Variants in SOS1 observed in about 807,000 individuals in gnomAD.
SOS1 encodes SOS Ras/Rac guanine nucleotide exchange factor 1, also known as son of sevenless homolog 1.
Under a neutral mutation model 157.6 loss-of-function variants are expected in SOS1, and 25 were observed. That is an observed-to-expected ratio of 0.16 (90% CI 0.12 to 0.22). SOS1 has a LOEUF of 0.22. Among genes scored for constraint, SOS1 ranks in the 10% least tolerant of loss-of-function variants. SOS1 has a pLI of 1.00. For synonymous variants in SOS1, 528 were observed against 534.0 expected (o/e 0.99, Z 0.16); for missense variants, 1,237 against 1,599.1 (o/e 0.77, Z 3.86).
intron 10 of SOS1, among the ~76,000 whole-genome samples, chr2:39,016,841 CAG>C (rs1669648399): frequency 6.6e-6 from 1 of 152,050 alleles, no homozygotes; most frequent in Non-Finnish European, 1.5e-5. Flanking sequence ...AGTTGAAAAA[CAG>C]AATAAAAGCC....
intron 22 of SOS1, among the ~76,000 whole-genome samples, chr2:38,986,684 A>G (rs1339767964): frequency 1.3e-5 from 2 of 151,926 alleles, no homozygotes; most frequent in South Asian, 2.1e-4. Flanking sequence ...CAAGGCTGGC[A>G]TATGTTTTAA....
At chr2:39,055,300 CAT>C (rs1218938430) in intron 4 of SOS1, among the ~76,000 whole-genome samples, 4 of 152,162 alleles carry the variant, frequency 2.6e-5, no homozygotes, top group African/African-American at 9.7e-5. Context: ...TGCTACAACA[CAT>C]CTTTCCCCTT....
intron 15 of SOS1, among the ~76,000 whole-genome samples, chr2:39,008,447 T>C (rs1241520540): frequency 2.6e-5 from 4 of 152,208 alleles, no homozygotes; most frequent in East Asian, 1.9e-4. Context: ...TGCAACAAAG[T>C]ATAAAGTAGT....
At chr2:39,041,604 T>C (rs542989500) in intron 6 of SOS1, among the ~76,000 whole-genome samples, 1 of 152,232 alleles carries the variant, frequency 6.6e-6, no homozygotes, top group Non-Finnish European at 1.5e-5. Context: ...TTTGCCAAAT[T>C]GAAGATTCAG....
chr2:39,105,863 G>T (rs1673155312), intron 1 of SOS1, among the ~76,000 whole-genome samples: 2 of 152,120 alleles, frequency 1.3e-5, no homozygotes, highest in African/African-American at 4.8e-5. Flanking sequence ...TCGCACCATT[G>T]CACTTCAGCC....
chr2:39,113,049 G>A (rs2148228457), intron 1 of SOS1, among the ~76,000 whole-genome samples: 1 of 150,624 alleles, frequency 6.6e-6, no homozygotes, highest in East Asian at 1.9e-4. Context: ...AAAAAAAAAA[G>A]AAAAGAAAAG....
intron 1 of SOS1, among the ~76,000 whole-genome samples, chr2:39,107,729 C>T (rs1673253978): frequency 6.6e-6 from 1 of 151,844 alleles, no homozygotes; most frequent in Non-Finnish European, 1.5e-5. Flanking sequence ...ATTTGCTTCC[C>T]TATTTGCTAA....
intron 1 of SOS1, among the ~76,000 whole-genome samples, chr2:39,090,941 T>C (rs1224147882): frequency 6.6e-6 from 1 of 152,136 alleles, no homozygotes; most frequent in African/African-American, 2.4e-5. Flanking sequence ...CGATTTTGGC[T>C]CACTGCAACC....
chr2:39,018,907 A>G (rs1175797972), intron 10 of SOS1, among the ~76,000 whole-genome samples: 1 of 151,870 alleles, frequency 6.6e-6, no homozygotes. Flanking sequence ...ATGCTGACGC[A>G]CAAACACTTT....
At position 39,110,039 on chromosome 2, in the gene SOS1, C is replaced by CGTGTGTGT. The variant is rs779110307; in HGVS notation, c.87+10289_87+10296dup. ...ATACAGATACAGTTGTGTGTGTGTG[C>CGTGTGTGT]GTGTGTGTGTGTGTGTGTGTGTGTG... On this transcript the variant is annotated intron_variant, in intron 1 of 22. Transcript: ENST00000402219. 2.4e-3 allele frequency among the ~76,000 whole-genome samples: 328 copies of CGTGTGTGT among 135,418 alleles called. 1 individual carries two copies. The highest frequency in any genetic ancestry group is 0.017 in the East Asian group (77 of 4,632). 88.8% of individuals were successfully genotyped at this position (135,418 alleles called of 152,430 possible).
chr2:39,060,165 G>A (rs1458250976), intron 2 of SOS1, among the ~76,000 whole-genome samples: 4 of 152,086 alleles, frequency 2.6e-5, no homozygotes, highest in South Asian at 2.1e-4. Flanking sequence ...ACTAACTTAC[G>A]TGGTTTTCAG....
intron 1 of SOS1, 44 bp from the exon 2 acceptor site, chr2:39,067,797 A>C: frequency 1.3e-6 from 2 of 1,579,820 alleles, no homozygotes; most frequent in Non-Finnish European, 1.7e-6. Flanking sequence ...GTTCCATATC[A>C]TTAAACAAAT....
chr2:39,003,251 TA>T (rs1254894484), intron 17 of SOS1, among the ~76,000 whole-genome samples: 1 of 152,060 alleles, frequency 6.6e-6, no homozygotes. Context: ...TAGCGGTAAT[TA>T]AAAAAAGTTT....
At chr2:39,040,591 G>T (rs1035707002) in intron 6 of SOS1, among the ~76,000 whole-genome samples, 10 of 152,058 alleles carry the variant, frequency 6.6e-5, no homozygotes, top group African/African-American at 2.4e-4. Flanking sequence ...TTGTCCTTTT[G>T]TGTTTGGCTT....
intron 1 of SOS1, among the ~76,000 whole-genome samples, chr2:39,075,774 A>C (rs1671950275): frequency 6.6e-6 from 1 of 152,192 alleles, no homozygotes; most frequent in South Asian, 2.1e-4. Flanking sequence ...CACAAGAAGG[A>C]GGGGCATAAC....
In SOS1 at chr2:39,067,649, G is replaced by C. The variant is rs1558497974; in HGVS notation, c.192C>G (p.Pro64=). The C allele has an allele frequency of 1.2e-6, 2 of 1,613,348 alleles. No homozygotes were observed. The highest frequency in any genetic ancestry group is 1.7e-6 in the Non-Finnish European group (2 of 1,179,430). ...QLLNMLCQAQ[P]RSASDVEERV... ...ATACCTCTACATCTGAAGCACTTCGGGGCTGAGCTTGGCATAGCATATTTA... is the reference window on the plus strand; with the variant it reads ...ATACCTCTACATCTGAAGCACTTCGCGGCTGAGCTTGGCATAGCATATTTA... The change falls in exon 2 of 23, where the codon CCC becomes CCG. Residue 64 remains proline, a synonymous_variant. Transcript: ENST00000402219.
chr2:39,122,269 G>C (rs1215992597), upstream of SOS1, among the ~76,000 whole-genome samples: 2 of 151,540 alleles, frequency 1.3e-5, no homozygotes, highest in Non-Finnish European at 2.9e-5. Flanking sequence ...GTCTCCATAA[G>C]AAATACAAAA....
chr2:39,070,426 G>T (rs924792845), intron 1 of SOS1, among the ~76,000 whole-genome samples: 1 of 152,018 alleles, frequency 6.6e-6, no homozygotes, highest in African/African-American at 2.4e-5. Flanking sequence ...TGTCCTTGTA[G>T]AGTTCCATAT....
intron 1 of SOS1, among the ~76,000 whole-genome samples, chr2:39,118,063 A>C (rs983222292): frequency 3.9e-5 from 6 of 152,232 alleles, no homozygotes; most frequent in African/African-American, 9.6e-5. Context: ...AGGAGCATCC[A>C]ATCTAGTTAT....
Sources: allele counts gnomAD v4.1 joint callset (sites outside exome capture counted in the v4.1 genomes callset), GRCh38; gene constraint gnomAD v4.1.1; transcripts MANE v1.5; gene names NCBI Gene and HGNC (gene_info 2026-07-23, HGNC 2026-07-21).